Variants in HK1 observed in about 807,000 individuals in gnomAD.
HK1 encodes hexokinase 1, also known as hexokinase-1.
Under a neutral mutation model 91.6 loss-of-function variants are expected in HK1, and 28 were observed. The ratio of observed to expected loss-of-function variants is 0.31; its 90% CI spans 0.23 to 0.42. The LOEUF is 0.42. Ranked by LOEUF, HK1 falls within the 10% of genes least tolerant of loss-of-function variation. HK1 has a pLI of 1.00. For missense variants in HK1, 770 were observed against 1,219.8 expected (o/e 0.63, Z 5.49); for synonymous variants, 430 against 468.1 (o/e 0.92, Z 1.05).
intron 1 of HK1, among the ~76,000 whole-genome samples, chr10:69,270,259 C>T (rs1281461931): frequency 3.3e-5 from 5 of 152,160 alleles, no homozygotes; most frequent in African/African-American, 9.7e-5. Flanking sequence ...TACAGCCACG[C>T]GCCACTGCAC....
chr10:69,291,073 T>C (rs1845278011), intron 3 of HK1, among the ~76,000 whole-genome samples: 1 of 152,222 alleles, frequency 6.6e-6, no homozygotes, highest in African/African-American at 2.4e-5. Flanking sequence ...TTGTTTGGGA[T>C]GTCATTGCCA....
At chr10:69,388,087 G>T (rs1839728914) in intron 13 of HK1, among the ~76,000 whole-genome samples, 1 of 152,044 alleles carries the variant, frequency 6.6e-6, no homozygotes, top group African/African-American at 2.4e-5. Flanking sequence ...AACAAAAAGG[G>T]CTGAGTTGCA....
At chr10:69,362,014 TC>T (rs1433712761) in intron 3 of HK1, among the ~76,000 whole-genome samples, 1 of 152,146 alleles carries the variant, frequency 6.6e-6, no homozygotes, top group African/African-American at 2.4e-5. Context: ...ATGGGGTTTC[TC>T]CATGTTGGTC....
At chr10:69,331,272 C>T (rs916015394) in intron 1 of HK1, among the ~76,000 whole-genome samples, 8 of 152,224 alleles carry the variant, frequency 5.3e-5, no homozygotes, top group African/African-American at 1.9e-4. Flanking sequence ...GTTCTTGTTA[C>T]TCTGTCTTTT....
rs1379117674 is a variant in HK1 at position 69,401,646 on chromosome 10, G to C, written c.*511G>C. 1 of 373,194 alleles carries C rather than the reference G, an allele frequency of 2.7e-6. No individual in the cohort carries two copies. The highest frequency in any genetic ancestry group is 3.7e-5 in the Admixed American group (1 of 27,014). 23.1% of individuals were successfully genotyped at this position (373,194 alleles called of 1,614,324 possible). On this transcript the variant is annotated 3_prime_UTR_variant, in exon 18 of 18. Coordinates refer to ENST00000359426, the MANE Select transcript of HK1 (RefSeq NM_000188.3). ...CCCTCCTGGCACCCACTGTGGCCTGGCATCGCATCGTGGTGTGTCAATGCC... is the reference window on the plus strand; with the variant it reads ...CCCTCCTGGCACCCACTGTGGCCTGCCATCGCATCGTGGTGTGTCAATGCC...
intron 1 of HK1, 38 bp downstream of exon 1, chr10:69,319,048 A>C: frequency 6.4e-7 from 1 of 1,574,770 alleles, no homozygotes. Flanking sequence ...TCCTGGCCGC[A>C]GCCTTGCGTT....
intron 2 of HK1, among the ~76,000 whole-genome samples, chr10:69,288,262 C>T (rs990174358): frequency 2.6e-5 from 4 of 152,152 alleles, no homozygotes; most frequent in African/African-American, 7.2e-5. Context: ...TAGTTGGTGA[C>T]GAGGTACCAC....
chr10:69,368,498 C>A lies in HK1; in HGVS notation c.496-38C>A, dbSNP rs777727851. The A allele has an allele frequency of 5.9e-5, 92 of 1,568,076 alleles. 1 individual carries two copies. The highest frequency in any genetic ancestry group is 7.3e-5 in the Non-Finnish European group (83 of 1,138,336). On this transcript the variant is annotated intron_variant, in intron 4 of 17. Coordinates refer to ENST00000359426, the MANE Select transcript of HK1 (RefSeq NM_000188.3). ...CAGGGCCTTGGGGTGCTGGAGGCCT[C>A]CCAGCCCTCATCCAGCCCCATCCAT...
At chr10:69,377,145 G>A in intron 8 of HK1, 56 bp downstream of exon 8, 1 of 1,602,432 alleles carries the variant, frequency 6.2e-7, no homozygotes. Flanking sequence ...AAGAGCAATT[G>A]GTCCCTTGTT....
At position 69,369,746 on chromosome 10, in the gene HK1, A is replaced by ATTT; in HGVS notation, c.875+130_875+132dup. ...GATCACAAACAGAAAAGCCTGTCACATTTTTTTTTTGAGGCGGAGTCTTGC... is the reference window on the plus strand; with the variant it reads ...GATCACAAACAGAAAAGCCTGTCACATTTTTTTTTTTTTGAGGCGGAGTCTTGC... On this transcript the variant is annotated intron_variant, in intron 7 of 17. Transcript: ENST00000359426. The surrounding 1 kb of genome is among the most constrained non-coding windows in gnomAD (Gnocchi z 4.4). 1 of 896,514 alleles carries ATTT rather than the reference A, an allele frequency of 1.1e-6. No homozygotes were observed. The highest frequency in any genetic ancestry group is 1.7e-6 in the Non-Finnish European group (1 of 589,688). 55.5% of individuals were successfully genotyped at this position (896,514 alleles called of 1,614,324 possible). A position where few individuals can be genotyped will look rare whatever the true frequency, so the allele number is the denominator to read the frequency against.
At chr10:69,285,156 C>T (rs1023914050) in intron 2 of HK1, among the ~76,000 whole-genome samples, 24 of 150,168 alleles carry the variant, frequency 1.6e-4, no homozygotes, top group Non-Finnish European at 1.8e-4. Context: ...ACAAACAGGC[C>T]GGGCGCGGTG....
intron 1 of HK1, among the ~76,000 whole-genome samples, chr10:69,340,291 G>A (rs924059527): frequency 3.9e-5 from 6 of 152,202 alleles, no homozygotes; most frequent in African/African-American, 1.4e-4. Flanking sequence ...GCATTGCCCA[G>A]GCTGGAGTGC....
upstream of HK1, among the ~76,000 whole-genome samples, chr10:69,317,514 G>A (rs1370462954): frequency 2.6e-5 from 4 of 152,194 alleles, no homozygotes; most frequent in Admixed American, 2.0e-4. Flanking sequence ...CCTGGTCAAG[G>A]GCTAGGGACT....
Position 69,321,502 on chromosome 10 carries a change from G to A in HK1, c.63+2492G>A, listed in dbSNP as rs376124500. 5.5e-4 allele frequency among the ~76,000 whole-genome samples: 84 copies of A among 152,276 alleles called. 1 individual carries two copies. The South Asian group carries it at 0.015, about 28-fold the overall frequency. ...CTGCTGAGGATGGTTCCCCCCCAGCGTGGGCAGCCATGATGATTCAGCCCT... is the reference window on the plus strand; with the variant it reads ...CTGCTGAGGATGGTTCCCCCCCAGCATGGGCAGCCATGATGATTCAGCCCT... On this transcript the variant is annotated intron_variant, in intron 1 of 17. Coordinates refer to ENST00000359426, the MANE Select transcript of HK1 (RefSeq NM_000188.3).
chr10:69,294,273 C>CA (rs763923286), intron 3 of HK1, among the ~76,000 whole-genome samples: 15 of 152,194 alleles, frequency 9.9e-5, no homozygotes, highest in Non-Finnish European at 1.9e-4. Flanking sequence ...TATGTAAAAG[C>CA]ATGGGTATAG....
Position 69,307,232 on chromosome 10 carries a change from T to C in HK1, c.27+6371T>C, listed in dbSNP as rs536114880. ...ACAGAAAACAGCGAGAGAGGAGACA[T>C]ACTCAGCCCACTCAGTGGAATCAAC... is the stretch of plus-strand genomic sequence containing the variant. On this transcript the variant is annotated intron_variant, in intron 5 of 21. Coordinates refer to the HK1 transcript ENST00000360289. Among the ~76,000 whole-genome samples, 176 of 152,134 alleles carry C rather than the reference T, an allele frequency of 1.2e-3. 1 individual carries two copies. Among genetic ancestry groups the C allele is most frequent in the Admixed American group, 1.0e-2 (152 of 15,272 alleles).
intron 4 of HK1, among the ~76,000 whole-genome samples, chr10:69,367,484 G>C (rs1589549254): frequency 6.6e-6 from 1 of 152,174 alleles, no homozygotes; most frequent in East Asian, 1.9e-4. Flanking sequence ...ACAACACCTG[G>C]TTCTCTGAGG....
intron 2 of HK1, among the ~76,000 whole-genome samples, chr10:69,284,119 A>G (rs1159977398): frequency 2.6e-5 from 4 of 152,122 alleles, no homozygotes; most frequent in Non-Finnish European, 5.9e-5. Flanking sequence ...TCTGTCCTCT[A>G]CTACCCTCAG....
At chr10:69,321,792 T>TG (rs1847047832) in intron 1 of HK1, among the ~76,000 whole-genome samples, 1 of 152,200 alleles carries the variant, frequency 6.6e-6, no homozygotes, top group Admixed American at 6.5e-5. Context: ...CTTCCCAGCT[T>TG]GGAACCCCAT....
Sources: gnomAD v4.1 joint callset for allele counts (sites outside exome capture counted in the v4.1 genomes callset) on GRCh38, gnomAD v4.1.1 for gene constraint, Gnocchi (gnomAD v3.1) non-coding constraint, MANE v1.5 for transcripts, NCBI Gene and HGNC (gene_info 2026-07-23, HGNC 2026-07-21) for gene names.